Variants in SGIP1 observed in about 807,000 individuals in gnomAD.
The protein encoded by SGIP1 is SH3-containing GRB2-like protein 3-interacting protein 1.
A neutral mutation model predicts 107.5 loss-of-function variants in SGIP1; 38 were observed. That is an observed-to-expected ratio of 0.35 (90% confidence interval 0.27 to 0.46). The LOEUF is 0.46. Among genes scored for constraint, SGIP1 ranks in the 20% least tolerant of loss-of-function variants. The pLI is 1.00. For synonymous variants in SGIP1, 365 were observed against 366.1 expected (o/e 1.00, Z 0.03); for missense variants, 929 against 1,019.5 (o/e 0.91, Z 1.21).
At chr1:66,743,049 T>A in intron 24 of SGIP1, 24 bp from the exon 25 acceptor site, 4 of 1,613,490 alleles carry the variant, frequency 2.5e-6, no homozygotes, top group Non-Finnish European at 3.4e-6. Flanking sequence ...AGATAACCTG[T>A]TGACATGCTG....
intron 8 of SGIP1, among the ~76,000 whole-genome samples, chr1:66,661,323 C>T (rs6670827): frequency 0.51 from 77,859 of 151,964 alleles, 20,863 homozygotes; most frequent in East Asian, 0.87. Context: ...AACAAGTGAC[C>T]GGTTTGTTGT....
At chr1:66,693,649 A>G (rs1483600277) in intron 17 of SGIP1, among the ~76,000 whole-genome samples, 2 of 152,146 alleles carry the variant, frequency 1.3e-5, no homozygotes, top group Non-Finnish European at 2.9e-5. Context: ...GGCATTGAGT[A>G]CTTTTTTAAA....
At chr1:66,682,819 CT>C (rs5774830) in intron 15 of SGIP1, among the ~76,000 whole-genome samples, 38,970 of 147,904 alleles carry the variant, frequency 0.26, 6,850 homozygotes, top group East Asian at 0.79. Context: ...GGGTGGGCTT[CT>C]TTTTTTTTTC....
chr1:66,587,564 G>A (rs774344592), intron 1 of SGIP1, among the ~76,000 whole-genome samples: 33 of 151,968 alleles, frequency 2.2e-4, no homozygotes, highest in South Asian at 6.2e-4. Flanking sequence ...CTCTTGTTAC[G>A]TTGAAAACCC....
intron 17 of SGIP1, among the ~76,000 whole-genome samples, chr1:66,693,388 A>G (rs2090283405): frequency 6.6e-6 from 1 of 152,178 alleles, no homozygotes; most frequent in African/African-American, 2.4e-5. Context: ...AATTGCTTAA[A>G]GTTATTCTAA....
chr1:66,557,146 A>G (rs2058301574), intron 1 of SGIP1, among the ~76,000 whole-genome samples: 1 of 152,136 alleles, frequency 6.6e-6, no homozygotes, highest in Admixed American at 6.6e-5. Context: ...CCCAGCATCC[A>G]CATCTCAACA....
chr1:66,656,997 G>A (rs1053396022), intron 7 of SGIP1, among the ~76,000 whole-genome samples: 6 of 151,694 alleles, frequency 4.0e-5, no homozygotes, highest in Non-Finnish European at 2.9e-5. Context: ...GCGAGACCCC[G>A]TCTTTACAAA....
intron 21 of SGIP1, among the ~76,000 whole-genome samples, chr1:66,738,578 G>C (rs548209713): frequency 1.3e-5 from 2 of 152,220 alleles, no homozygotes; most frequent in African/African-American, 4.8e-5. Context: ...GCTTTTTCTT[G>C]GTCAAGCTCA....
intron 1 of SGIP1, among the ~76,000 whole-genome samples, chr1:66,608,853 C>T (rs2067354936): frequency 6.6e-6 from 1 of 152,182 alleles, no homozygotes; most frequent in African/African-American, 2.4e-5. Flanking sequence ...TCTTCATTTA[C>T]TTTGCTGTAT....
At chr1:66,581,336 T>A (rs999295485) in intron 1 of SGIP1, among the ~76,000 whole-genome samples, 11 of 152,026 alleles carry the variant, frequency 7.2e-5, no homozygotes, top group Admixed American at 7.2e-4. Flanking sequence ...TTTTCTTGTA[T>A]GTAAATAGGG....
chr1:66,709,320 G>A (rs1269236959), intron 18 of SGIP1, among the ~76,000 whole-genome samples: 3 of 151,950 alleles, frequency 2.0e-5, no homozygotes, highest in South Asian at 2.1e-4. Context: ...AAAGCATGTA[G>A]CAAGGATAAC....
intron 1 of SGIP1, among the ~76,000 whole-genome samples, chr1:66,601,101 C>T (rs989627734): frequency 4.6e-5 from 7 of 152,146 alleles, no homozygotes; most frequent in Non-Finnish European, 8.8e-5. Flanking sequence ...CGGTGGCTCA[C>T]GCCTGTAATC....
intron 4 of SGIP1, among the ~76,000 whole-genome samples, chr1:66,637,819 A>C (rs1262452734): frequency 1.3e-5 from 2 of 150,054 alleles, no homozygotes; most frequent in Admixed American, 6.6e-5. Context: ...GTGTATGTAT[A>C]TATGTGTGTA....
chr1:66,566,080 T>C (rs1472898476), intron 1 of SGIP1, among the ~76,000 whole-genome samples: 1 of 152,036 alleles, frequency 6.6e-6, no homozygotes, highest in Non-Finnish European at 1.5e-5. Context: ...ATATATTCAC[T>C]TAATGTCTTA....
chr1:66,601,404 G>T (rs1326604300), intron 1 of SGIP1, among the ~76,000 whole-genome samples: 1 of 151,860 alleles, frequency 6.6e-6, no homozygotes, highest in Admixed American at 6.6e-5. Context: ...AACAAAAGAA[G>T]TAAAAAGATT....
intron 7 of SGIP1, among the ~76,000 whole-genome samples, chr1:66,656,857 A>G (rs2079893460): frequency 6.6e-6 from 1 of 152,180 alleles, no homozygotes; most frequent in Non-Finnish European, 1.5e-5. Context: ...TTTATAATAG[A>G]ATCCCATTTA....
At chr1:66,681,491 G>C (rs1432848784) in intron 14 of SGIP1, among the ~76,000 whole-genome samples, 1 of 152,140 alleles carries the variant, frequency 6.6e-6, no homozygotes, top group East Asian at 1.9e-4. Context: ...CTTGCTTTTG[G>C]AATTTGCAGT....
intron 1 of SGIP1, among the ~76,000 whole-genome samples, chr1:66,607,559 C>A (rs2067103921): frequency 6.6e-6 from 1 of 152,188 alleles, no homozygotes; most frequent in Non-Finnish European, 1.5e-5. Flanking sequence ...TAAAAACTGA[C>A]AATTCAGAGA....
rs2094589969 is a variant in SGIP1, at chr1:66,749,009, T to C, written c.*5914T>C. Among the ~76,000 whole-genome samples the C allele has an allele frequency of 6.6e-6, 1 of 151,980 alleles. No individual in the cohort carries two copies. The highest frequency in any genetic ancestry group is 2.4e-5 in the African/African-American group (1 of 41,420). ...ATAACCAGGAATGCTTTGAAAAAAATGCTTCTGGAATTTTGTTTTAATTTT... is the reference window on the plus strand; with the variant it reads ...ATAACCAGGAATGCTTTGAAAAAAACGCTTCTGGAATTTTGTTTTAATTTT... On this transcript the variant is annotated 3_prime_UTR_variant, in exon 25 of 25. Coordinates refer to ENST00000371037, the MANE Select transcript of SGIP1 (RefSeq NM_032291.4).
Sources: allele counts gnomAD v4.1 joint callset (sites outside exome capture counted in the v4.1 genomes callset), GRCh38; gene constraint gnomAD v4.1.1; transcripts MANE v1.5; gene names NCBI Gene and HGNC (gene_info 2026-07-23, HGNC 2026-07-21).